Variants in ASTN2 observed in about 807,000 individuals in gnomAD.
ASTN2 encodes the protein astrotactin-2.
ASTN2 carries 54 observed loss-of-function variants against 139.8 expected under a neutral mutation model. That is an observed-to-expected ratio of 0.39 (90% CI 0.31 to 0.48). ASTN2 has a LOEUF of 0.48. Ranked by LOEUF, ASTN2 falls within the 20% of genes least tolerant of loss-of-function variation. The pLI, the probability that ASTN2 is intolerant of heterozygous loss-of-function variation, is 0.95. For missense variants in ASTN2, 1,565 were observed against 1,725.1 expected, an observed-to-expected ratio of 0.91 and a Z score of 1.64; for synonymous variants, 756 against 719.5, an observed-to-expected ratio of 1.05 and a Z score of -0.81.
intron 19 of ASTN2, among the ~76,000 whole-genome samples, chr9:116,498,820 A>G (rs1036828681): frequency 6.6e-6 from 1 of 152,234 alleles, no homozygotes; most frequent in Non-Finnish European, 1.5e-5. Context: ...GGCACAAAAA[A>G]TGTGATAGTG....
intron 1 of ASTN2, among the ~76,000 whole-genome samples, chr9:117,368,095 C>T (rs1003075740): frequency 1.3e-5 from 2 of 151,956 alleles, no homozygotes; most frequent in South Asian, 4.2e-4. Context: ...GCTAACGATC[C>T]GCAAGTCAGC....
chr9:116,434,756 C>A (rs1235992336), intron 22 of ASTN2, among the ~76,000 whole-genome samples: 1 of 152,128 alleles, frequency 6.6e-6, no homozygotes, highest in Admixed American at 6.5e-5. Flanking sequence ...CTAATAGGAA[C>A]CTTATGTCTG....
At chr9:116,924,546 G>T (rs190338302) in intron 10 of ASTN2, among the ~76,000 whole-genome samples, 125 of 152,138 alleles carry the variant, frequency 8.2e-4, no homozygotes, top group African/African-American at 2.9e-3. Flanking sequence ...CAAAGGGTAG[G>T]TTATTCATGA....
chr9:116,597,168 C>T (rs1440163666), intron 19 of ASTN2, among the ~76,000 whole-genome samples: 2 of 152,000 alleles, frequency 1.3e-5, no homozygotes, highest in Non-Finnish European at 2.9e-5. Flanking sequence ...GTACCCTTTC[C>T]AGAGGTAATT....
intron 19 of ASTN2, among the ~76,000 whole-genome samples, chr9:116,501,300 C>A (rs947799901): frequency 1.3e-5 from 2 of 152,264 alleles, no homozygotes; most frequent in African/African-American, 4.8e-5. Flanking sequence ...TGAACTCATC[C>A]TTTTTTATGC....
intron 19 of ASTN2, among the ~76,000 whole-genome samples, chr9:116,515,300 T>C (rs1002945933): frequency 2.6e-5 from 4 of 152,214 alleles, no homozygotes; most frequent in Admixed American, 6.5e-5. Context: ...AAGCCAATCA[T>C]TGTTTGGCAA....
intron 19 of ASTN2, among the ~76,000 whole-genome samples, chr9:116,603,410 G>C (rs1855015332): frequency 6.6e-6 from 1 of 152,174 alleles, no homozygotes; most frequent in African/African-American, 2.4e-5. Context: ...CTACAGTGTG[G>C]CCCAGGAGTG....
At chr9:116,776,230 T>C (rs1830086139) in intron 13 of ASTN2, among the ~76,000 whole-genome samples, 1 of 152,230 alleles carries the variant, frequency 6.6e-6, no homozygotes, top group Non-Finnish European at 1.5e-5. Context: ...TTTCTAGATA[T>C]ATTCCCTCTT....
chr9:116,859,070 A>G (rs911865628), intron 11 of ASTN2, among the ~76,000 whole-genome samples: 2 of 152,156 alleles, frequency 1.3e-5, no homozygotes, highest in African/African-American at 4.8e-5. Flanking sequence ...CTTCCTTAGC[A>G]TGTAACTCTC....
chr9:116,484,799 G>T (rs979768645), intron 20 of ASTN2, among the ~76,000 whole-genome samples: 3 of 152,160 alleles, frequency 2.0e-5, no homozygotes, highest in Admixed American at 6.5e-5. Context: ...AAGGAGGGGT[G>T]GTGTCAGGCA....
intron 16 of ASTN2, among the ~76,000 whole-genome samples, chr9:116,672,630 ACACT>A (rs1218487590): frequency 6.6e-6 from 1 of 152,220 alleles, no homozygotes; most frequent in Non-Finnish European, 1.5e-5. Context: ...AAGTCATCAA[ACACT>A]CACATTTCTG....
At chr9:117,377,147 ACTC>A (rs1001780457) in intron 1 of ASTN2, among the ~76,000 whole-genome samples, 26 of 152,062 alleles carry the variant, frequency 1.7e-4, no homozygotes, top group Middle Eastern at 3.4e-3. Flanking sequence ...GGTCTTTTGA[ACTC>A]CTCGGGATTT....
chr9:117,362,402 C>A (rs1829717019), intron 1 of ASTN2, among the ~76,000 whole-genome samples: 1 of 152,106 alleles, frequency 6.6e-6, no homozygotes, highest in Non-Finnish European at 1.5e-5. Context: ...TCCAAGTTAT[C>A]TTGCCTGCAG....
chr9:117,365,272 A>G (rs1395957782), intron 1 of ASTN2, among the ~76,000 whole-genome samples: 1 of 151,756 alleles, frequency 6.6e-6, no homozygotes, highest in East Asian at 1.9e-4. Flanking sequence ...AGAAAAAAAG[A>G]CAGAAAGAAA....
chr9:116,808,114 A>AAAAAC (rs1259138433), intron 12 of ASTN2, among the ~76,000 whole-genome samples: 5 of 152,344 alleles, frequency 3.3e-5, no homozygotes, highest in Admixed American at 6.5e-5. Context: ...ACTTCGTCTC[A>AAAAAC]AAAACAAAAC....
At position 116,781,560 on chromosome 9, in the gene ASTN2, T is replaced by C. The variant is rs1431590899; in HGVS notation, c.2396+24072A>G. Among the ~76,000 whole-genome samples, 2 of 152,120 alleles carry C rather than the reference T, an allele frequency of 1.3e-5. 1 individual carries two copies. The highest frequency in any genetic ancestry group is 2.9e-5 in the Non-Finnish European group (2 of 68,038). ...CCAGCAGAGAAAAGTCTTACGGGTG[T>C]GGAGAAAATGAAGGTTTTAGCTTCA... On this transcript the variant is annotated intron_variant, in intron 13 of 22. Coordinates refer to ENST00000313400, the MANE Select transcript of ASTN2 (RefSeq NM_001365068.1).
intron 10 of ASTN2, among the ~76,000 whole-genome samples, chr9:116,965,866 T>C (rs1004442834): frequency 6.6e-6 from 1 of 152,202 alleles, no homozygotes; most frequent in Non-Finnish European, 1.5e-5. Flanking sequence ...TTCATCCCTT[T>C]ACCATCTGTG....
chr9:116,829,900 C>A (rs1403482563), intron 11 of ASTN2, among the ~76,000 whole-genome samples: 1 of 152,144 alleles, frequency 6.6e-6, no homozygotes, highest in Non-Finnish European at 1.5e-5. Context: ...TGGATTAAGA[C>A]CTGAAACTAT....
intron 6 of ASTN2, among the ~76,000 whole-genome samples, chr9:117,031,230 C>T (rs1190185349): frequency 6.6e-6 from 1 of 152,114 alleles, no homozygotes; most frequent in Non-Finnish European, 1.5e-5. Flanking sequence ...CCTCAGACCT[C>T]CTGCACTGTC....
Sources: gnomAD v4.1 joint callset for allele counts (sites outside exome capture counted in the v4.1 genomes callset) on GRCh38, gnomAD v4.1.1 for gene constraint, MANE v1.5 for transcripts, NCBI Gene and HGNC (gene_info 2026-07-23, HGNC 2026-07-21) for gene names.